The following MLLT3 variants were observed in gnomAD, a reference collection of about 807,000 sequenced individuals.
MLLT3 encodes the protein protein AF-9.
MLLT3 carries 4 observed loss-of-function variants against 53.2 expected under a neutral mutation model. The ratio of observed to expected loss-of-function variants is 0.08; its 90% CI spans 0.04 to 0.17. MLLT3 has a LOEUF of 0.17. MLLT3 is among the 10% of genes least tolerant of loss of function. MLLT3 has a pLI of 1.00. For missense variants in MLLT3, 569 were observed against 684.0 expected (o/e 0.83, Z 1.87); for synonymous variants, 283 against 230.6 (o/e 1.23, Z -2.06).
intron 4 of MLLT3, among the ~76,000 whole-genome samples, chr9:20,417,214 G>C (rs1212723503): frequency 7.4e-6 from 1 of 134,286 alleles, no homozygotes; most frequent in East Asian, 2.2e-4. Context: ...TATATATATG[G>C]GGGTCTTGTC....
At chr9:20,433,370 C>A (rs751906735) in intron 4 of MLLT3, among the ~76,000 whole-genome samples, 4 of 151,984 alleles carry the variant, frequency 2.6e-5, no homozygotes, top group African/African-American at 9.7e-5. Flanking sequence ...AAAATATATA[C>A]CCATGAGTCC....
intron 2 of MLLT3, among the ~76,000 whole-genome samples, chr9:20,457,638 C>T (rs539876179): frequency 6.6e-6 from 1 of 152,164 alleles, no homozygotes; most frequent in South Asian, 2.1e-4. Context: ...CCTCCTTCAC[C>T]CACCCAAAAG....
chr9:20,398,443 T>G (rs2118738463), intron 5 of MLLT3, among the ~76,000 whole-genome samples: 1 of 152,272 alleles, frequency 6.6e-6, no homozygotes, highest in South Asian at 2.1e-4. Context: ...AACAGCCAAA[T>G]TAAGCTTATT....
intron 2 of MLLT3, among the ~76,000 whole-genome samples, chr9:20,542,589 C>A (rs916815316): frequency 6.6e-6 from 1 of 152,120 alleles, no homozygotes; most frequent in Non-Finnish European, 1.5e-5. Context: ...TAGGGCTCAA[C>A]AGTGGGTTTA....
intron 2 of MLLT3, among the ~76,000 whole-genome samples, chr9:20,573,692 CT>C (rs1257022226): frequency 6.6e-6 from 1 of 152,168 alleles, no homozygotes; most frequent in East Asian, 1.9e-4. Flanking sequence ...TACGTCTCCC[CT>C]TGGTAAAATG....
chr9:20,620,932 G>A lies in MLLT3; in HGVS notation c.13-98C>T. 7.4e-7 allele frequency: 1 copy of A among 1,352,892 alleles called. No individual in the cohort carries two copies. The highest frequency in any genetic ancestry group is 1.0e-6 in the Non-Finnish European group (1 of 960,814). 83.8% of individuals were successfully genotyped at this position (1,352,892 alleles called of 1,614,324 possible). A position where few individuals can be genotyped will look rare whatever the true frequency, so the allele number is the denominator to read the frequency against. On this transcript the variant is annotated intron_variant, in intron 1 of 10. Coordinates refer to ENST00000380338, the MANE Select transcript of MLLT3 (RefSeq NM_004529.4). This position sits in a 1 kb window ranked among gnomAD's most constrained non-coding sequence, Gnocchi z 6.1. ...ACATTTTTTTCCTCCTTCTTGAAACGCACATAAAAGGAAACGGCGGTGCCC... is the reference window on the plus strand; with the variant it reads ...ACATTTTTTTCCTCCTTCTTGAAACACACATAAAAGGAAACGGCGGTGCCC...
chr9:20,433,599 G>A (rs1280332132), intron 4 of MLLT3, among the ~76,000 whole-genome samples: 2 of 152,142 alleles, frequency 1.3e-5, no homozygotes, highest in African/African-American at 4.8e-5. Flanking sequence ...TCAATGAGAA[G>A]AGTGCAGATA....
At chr9:20,587,159 T>C (rs539712836) in intron 2 of MLLT3, among the ~76,000 whole-genome samples, 11 of 150,740 alleles carry the variant, frequency 7.3e-5, no homozygotes, top group African/African-American at 2.7e-4. Context: ...TTTTTGCATA[T>C]TTCCAACAGA....
At chr9:20,370,396 C>G (rs1339830760) in intron 5 of MLLT3, among the ~76,000 whole-genome samples, 2 of 152,038 alleles carry the variant, frequency 1.3e-5, no homozygotes, top group African/African-American at 2.4e-5. Context: ...CTGTCAATCA[C>G]CAACTCCCTT....
intron 8 of MLLT3, among the ~76,000 whole-genome samples, chr9:20,358,418 G>C (rs939634790): frequency 6.6e-6 from 1 of 152,220 alleles, no homozygotes; most frequent in Non-Finnish European, 1.5e-5. Flanking sequence ...ATTCACATGT[G>C]TGAAGCAACA....
chr9:20,441,739 T>C (rs1460665292), intron 4 of MLLT3, among the ~76,000 whole-genome samples: 1 of 152,078 alleles, frequency 6.6e-6, no homozygotes, highest in East Asian at 1.9e-4. Context: ...AAAACAAATA[T>C]CCAAAAATCC....
chr9:20,464,402 G>A (rs746051534), intron 2 of MLLT3, among the ~76,000 whole-genome samples: 44 of 152,182 alleles, frequency 2.9e-4, no homozygotes, highest in East Asian at 2.3e-3. Flanking sequence ...AGCAATAAAC[G>A]TAATTGACAG....
At chr9:20,533,804 A>T (rs1818405781) in intron 2 of MLLT3, among the ~76,000 whole-genome samples, 1 of 152,248 alleles carries the variant, frequency 6.6e-6, no homozygotes, top group Non-Finnish European at 1.5e-5. Context: ...AGACACAGAA[A>T]CACAAACACT....
intron 2 of MLLT3, among the ~76,000 whole-genome samples, chr9:20,501,984 G>A (rs1486487625): frequency 1.3e-5 from 2 of 148,490 alleles, no homozygotes; most frequent in Non-Finnish European, 3.0e-5. Flanking sequence ...GGGAGGCTAA[G>A]GCAGGAGATT....
At chr9:20,501,417 A>T (rs1362349231) in intron 2 of MLLT3, among the ~76,000 whole-genome samples, 2 of 152,126 alleles carry the variant, frequency 1.3e-5, no homozygotes, top group African/African-American at 4.8e-5. Flanking sequence ...ATTACTTACA[A>T]TATCCAAAGG....
At chr9:20,612,492 G>A (rs1820726476) in intron 2 of MLLT3, among the ~76,000 whole-genome samples, 1 of 151,826 alleles carries the variant, frequency 6.6e-6, no homozygotes, top group Admixed American at 6.6e-5. Flanking sequence ...ACATCAGTTT[G>A]ACAAAATTAA....
At chr9:20,452,285 G>T (rs1823859006) in intron 3 of MLLT3, among the ~76,000 whole-genome samples, 1 of 152,152 alleles carries the variant, frequency 6.6e-6, no homozygotes, top group Non-Finnish European at 1.5e-5. Flanking sequence ...AGATTATGGG[G>T]GTGTTCCCTC....
intron 2 of MLLT3, among the ~76,000 whole-genome samples, chr9:20,536,836 T>C (rs868831002): frequency 5.3e-5 from 8 of 150,842 alleles, no homozygotes; most frequent in Middle Eastern, 3.4e-3. Context: ...CTGCAGGTAG[T>C]AGCTGTTTAA....
Position 20,353,542 on chromosome 9 carries a change from T to C in MLLT3, c.1558A>G (p.Arg520Gly). Residue 520 changes from arginine (R) to glycine (G), a missense_variant, in exon 10 of 11, where the codon AGA becomes GGA. Arg to Gly is a moderately radical substitution (Grantham distance 125). This residue lies in a region of MLLT3 where 45 missense variants were observed against 85.5 expected (regional missense o/e 0.53). Coordinates refer to ENST00000380338, the MANE Select transcript of MLLT3 (RefSeq NM_004529.4). ...TTTCTCACCTGCTGCAGAATGTGTC[T>C]TTCTCTCAATGTCATTAACCTTCTG... Reference protein sequence around the residue: ...LHRRLMTLRERHILQQIVNLI... With the variant: ...LHRRLMTLREGHILQQIVNLI... 1 of 1,614,080 alleles carries C rather than the reference T, an allele frequency of 6.2e-7. No individual in the cohort carries two copies. The highest frequency in any genetic ancestry group is 8.5e-7 in the Non-Finnish European group (1 of 1,179,904).
Sources: allele counts gnomAD v4.1 joint callset (sites outside exome capture counted in the v4.1 genomes callset), GRCh38; gene constraint gnomAD v4.1.1; regional missense constraint gnomAD v4.1.1; non-coding constraint Gnocchi (gnomAD v3.1); transcripts MANE v1.5; gene names NCBI Gene and HGNC (gene_info 2026-07-23, HGNC 2026-07-21).